Variants in NFIA observed in about 807,000 individuals in gnomAD.
NFIA encodes nuclear factor 1 A-type.
In NFIA, 8 loss-of-function variants were observed where a neutral mutation model predicts 62.8. That is an observed-to-expected ratio of 0.13 (90% CI 0.07 to 0.23). The LOEUF is 0.23. NFIA is among the 10% of genes least tolerant of loss of function. The probability of loss-of-function intolerance (pLI) is 1.00; values close to 1 mark genes in which losing one functional copy is unlikely to be tolerated. For missense variants in NFIA, 410 were observed against 642.1 expected (o/e 0.64, Z 3.91); for synonymous variants, 235 against 238.1 (o/e 0.99, Z 0.12).
At chr1:61,305,863 T>C (rs991362424) in intron 3 of NFIA, among the ~76,000 whole-genome samples, 8 of 150,274 alleles carry the variant, frequency 5.3e-5, no homozygotes, top group Non-Finnish European at 8.9e-5. Flanking sequence ...TTTTTTTTTT[T>C]CTGAGACAGA....
At chr1:61,398,808 G>A (rs1665411730) in intron 7 of NFIA, among the ~76,000 whole-genome samples, 1 of 152,122 alleles carries the variant, frequency 6.6e-6, no homozygotes, top group Non-Finnish European at 1.5e-5. Flanking sequence ...CCTGATTCAT[G>A]CATGATTTAT....
At chr1:61,293,228 T>G (rs962989710) in intron 3 of NFIA, among the ~76,000 whole-genome samples, 4 of 152,204 alleles carry the variant, frequency 2.6e-5, no homozygotes, top group African/African-American at 9.6e-5. Flanking sequence ...GCCTTGCAAA[T>G]TTATGTTCTT....
intron 2 of NFIA, among the ~76,000 whole-genome samples, chr1:61,190,163 T>C (rs979577406): frequency 6.6e-6 from 1 of 152,136 alleles, no homozygotes; most frequent in Non-Finnish European, 1.5e-5. Flanking sequence ...GTGGTACTAT[T>C]TCCCCCCATG....
chr1:61,317,713 A>G (rs1250657010), intron 3 of NFIA, among the ~76,000 whole-genome samples: 1 of 152,088 alleles, frequency 6.6e-6, no homozygotes, highest in Non-Finnish European at 1.5e-5. Flanking sequence ...ATTATTTAAC[A>G]TTCCATGTGA....
chr1:61,455,452 CA>C lies in NFIA; in HGVS notation c.*134del, dbSNP rs1449426849. ...GAAGGGGAGAAAAACCGATTCAAAT[CA>C]ACTTGTACATGGAAACAGCAAGCAT... is the stretch of plus-strand genomic sequence containing the variant. On this transcript the variant is annotated 3_prime_UTR_variant, in exon 11 of 11. Transcript: ENST00000403491. 7.1e-7 allele frequency: 1 copy of C among 1,414,806 alleles called. No homozygotes were observed. The highest frequency in any genetic ancestry group is 1.4e-5 in the African/African-American group (1 of 70,076). The allele number at this position is 1,414,806 out of a possible 1,614,324, so 87.6% of individuals were successfully genotyped here.
At chr1:61,298,348 T>C (rs1043264760) in intron 3 of NFIA, among the ~76,000 whole-genome samples, 2 of 152,104 alleles carry the variant, frequency 1.3e-5, no homozygotes, top group Non-Finnish European at 2.9e-5. Context: ...AGTATACCTC[T>C]TTTTTTAAAA....
intron 2 of NFIA, among the ~76,000 whole-genome samples, chr1:61,234,532 T>A (rs2100636520): frequency 6.6e-6 from 1 of 152,322 alleles, no homozygotes; most frequent in South Asian, 2.1e-4. Flanking sequence ...CTCTTGTTTC[T>A]ACCCACCTAC....
chr1:61,157,443 C>G (rs935785601), intron 2 of NFIA, among the ~76,000 whole-genome samples: 1 of 152,122 alleles, frequency 6.6e-6, no homozygotes, highest in African/African-American at 2.4e-5. Context: ...ATATTATTAT[C>G]AAATTAAGTA....
At chr1:61,079,237 A>G (rs532830415), upstream of NFIA, among the ~76,000 whole-genome samples, 3 of 152,318 alleles carry the variant, frequency 2.0e-5, no homozygotes, top group African/African-American at 7.2e-5. Context: ...TAATAAAGTT[A>G]GTTTTGGTAA....
At chr1:61,448,583 G>A (rs1338246275) in intron 10 of NFIA, among the ~76,000 whole-genome samples, 1 of 152,142 alleles carries the variant, frequency 6.6e-6, no homozygotes, top group Admixed American at 6.5e-5. Flanking sequence ...TCCATTTCAT[G>A]GAGTCTAAAA....
Position 61,406,543 on chromosome 1 carries a change from G to GT in NFIA, c.1255-19_1255-18insT. ...TCTTTTTCTTGTACGTGTGTTTTCT[G>GT]CCCCCCCCCCCCCCACAGCCCAATG... On this transcript the variant is annotated intron_variant, in intron 8 of 10. Coordinates refer to ENST00000403491, the MANE Select transcript of NFIA (RefSeq NM_001134673.4). 4.6e-6 allele frequency: 4 copies of GT among 876,640 alleles called. No individual in the cohort carries two copies. The highest frequency in any genetic ancestry group is 4.5e-5 in the East Asian group (1 of 22,024). The allele number at this position is 876,640 out of a possible 1,614,324, so 54.3% of individuals were successfully genotyped here. A position where few individuals can be genotyped will look rare whatever the true frequency, so the allele number is the denominator to read the frequency against.
intron 2 of NFIA, among the ~76,000 whole-genome samples, chr1:61,261,299 G>A (rs1398524368): frequency 1.3e-5 from 2 of 152,090 alleles, no homozygotes; most frequent in African/African-American, 4.8e-5. Context: ...ACTTAGGATG[G>A]TTCAACTTAA....
intron 7 of NFIA, among the ~76,000 whole-genome samples, chr1:61,398,612 C>G (rs1000458526): frequency 1.3e-5 from 2 of 152,168 alleles, no homozygotes; most frequent in Non-Finnish European, 2.9e-5. Flanking sequence ...CGTGCATCTT[C>G]GTGATGTTAA....
intron 9 of NFIA, among the ~76,000 whole-genome samples, chr1:61,407,872 C>T (rs1665923799): frequency 6.6e-6 from 1 of 152,104 alleles, no homozygotes; most frequent in East Asian, 1.9e-4. Context: ...GGACAGTCCT[C>T]TGGATGAATG....
intron 3 of NFIA, among the ~76,000 whole-genome samples, chr1:61,316,398 G>A (rs888650766): frequency 6.6e-6 from 1 of 152,158 alleles, no homozygotes; most frequent in Non-Finnish European, 1.5e-5. Context: ...AGGTCTTAAG[G>A]CAGTGTTTAT....
intron 2 of NFIA, among the ~76,000 whole-genome samples, chr1:61,259,620 A>G (rs2100234764): frequency 1.3e-5 from 2 of 152,358 alleles, no homozygotes; most frequent in South Asian, 4.1e-4. Context: ...TACACTGGTT[A>G]GAATAGAAGG....
At chr1:61,392,896 C>G (rs970757047) in intron 7 of NFIA, among the ~76,000 whole-genome samples, 4 of 152,162 alleles carry the variant, frequency 2.6e-5, no homozygotes, top group Non-Finnish European at 5.9e-5. Flanking sequence ...TCCTTTGCCC[C>G]TTTCTCTCTG....
chr1:61,131,563 A>G (rs1364484084), intron 2 of NFIA, among the ~76,000 whole-genome samples: 3 of 152,142 alleles, frequency 2.0e-5, no homozygotes, highest in South Asian at 2.1e-4. Context: ...ATATGATGCT[A>G]TATCAGCAAC....
chr1:61,158,255 C>A (rs996980524), intron 2 of NFIA, among the ~76,000 whole-genome samples: 2 of 152,024 alleles, frequency 1.3e-5, no homozygotes, highest in African/African-American at 4.8e-5. Flanking sequence ...TTAGAAAAAA[C>A]CCTTTTTACT....
Sources: gnomAD v4.1 joint callset for allele counts (sites outside exome capture counted in the v4.1 genomes callset) on GRCh38, gnomAD v4.1.1 for gene constraint, MANE v1.5 for transcripts, NCBI Gene and HGNC (gene_info 2026-07-23, HGNC 2026-07-21) for gene names.